Variants in GLIS3 observed in about 807,000 individuals in gnomAD.
GLIS3 encodes zinc finger protein GLIS3.
Under a neutral mutation model 78.6 loss-of-function variants are expected in GLIS3, and 53 were observed. The ratio of observed to expected loss-of-function variants is 0.67; its 90% confidence interval spans 0.54 to 0.85. The LOEUF is 0.85. GLIS3 is among the 40% of genes least tolerant of loss of function. GLIS3 has a pLI of 0.00. For synonymous variants in GLIS3, 684 were observed against 509.9 expected (o/e 1.34, Z -4.60); for missense variants, 1,703 against 1,231.1 (o/e 1.38, Z -5.74).
At chr9:4,015,755 G>A (rs1822378556) in intron 4 of GLIS3, among the ~76,000 whole-genome samples, 1 of 151,938 alleles carries the variant, frequency 6.6e-6, no homozygotes, top group Non-Finnish European at 1.5e-5. Flanking sequence ...CGAGAGTGGT[G>A]GCGGGCGCCT....
chr9:4,368,033 T>C, the GLIS3 span, among the ~76,000 whole-genome samples: 1 of 152,248 alleles, frequency 6.6e-6, no homozygotes, highest in Non-Finnish European at 1.5e-5. Flanking sequence ...TACTGTATGA[T>C]GTTTCCTCTT....
chr9:3,953,998 C>G (rs935824176), intron 4 of GLIS3, among the ~76,000 whole-genome samples: 3 of 152,006 alleles, frequency 2.0e-5, no homozygotes, highest in African/African-American at 7.3e-5. Context: ...TTTTTCTCCC[C>G]CTCACTTGGA....
intron 2 of GLIS3, among the ~76,000 whole-genome samples, chr9:4,329,021 T>C (rs1417099712): frequency 6.6e-6 from 1 of 152,200 alleles, no homozygotes; most frequent in African/African-American, 2.4e-5. Flanking sequence ...AGGCTTAGGA[T>C]GATGAGTAAG....
the GLIS3 span, among the ~76,000 whole-genome samples, chr9:4,432,713 T>C: frequency 6.7e-6 from 1 of 148,940 alleles, no homozygotes; most frequent in Non-Finnish European, 1.5e-5. Flanking sequence ...CAATCTTGGC[T>C]CACTGTAAAC....
At chr9:4,013,447 C>T (rs1822197393) in intron 4 of GLIS3, among the ~76,000 whole-genome samples, 1 of 152,066 alleles carries the variant, frequency 6.6e-6, no homozygotes, top group African/African-American at 2.4e-5. Flanking sequence ...AATTGTCTGT[C>T]CTTGGAGATT....
chr9:3,958,869 G>A (rs1218918708), intron 4 of GLIS3, among the ~76,000 whole-genome samples: 3 of 152,222 alleles, frequency 2.0e-5, no homozygotes, highest in Non-Finnish European at 4.4e-5. Context: ...CCCAGAGGTG[G>A]AAAAACAGAC....
chr9:4,450,824 G>A, the GLIS3 span, among the ~76,000 whole-genome samples: 2 of 152,188 alleles, frequency 1.3e-5, no homozygotes, highest in African/African-American at 4.8e-5. Context: ...CACCAGGCCT[G>A]CCTTATAAAG....
rs1370044999 is a variant in GLIS3, at chr9:4,087,525, T to C, written c.1710+30243A>G. ...GTGAAAATACCCCAACTAGAGTCTT[T>C]AGTGCCAGGGAACAGTTTGAAAACC... On this transcript the variant is annotated intron_variant, in intron 4 of 10. Transcript: ENST00000381971. Among the ~76,000 whole-genome samples the C allele has an allele frequency of 3.3e-5, 5 of 152,134 alleles. No individual in the cohort carries two copies. The East Asian group carries it at 7.7e-4, about 23-fold the overall frequency.
chr9:4,052,219 A>G (rs939482308), intron 4 of GLIS3, among the ~76,000 whole-genome samples: 3 of 152,222 alleles, frequency 2.0e-5, no homozygotes, highest in Non-Finnish European at 4.4e-5. Context: ...GAAATAAAGA[A>G]CTAAGACAGA....
At chr9:4,098,344 G>A (rs930448446) in intron 4 of GLIS3, among the ~76,000 whole-genome samples, 4 of 152,128 alleles carry the variant, frequency 2.6e-5, no homozygotes, top group Non-Finnish European at 5.9e-5. Context: ...AATTACTAAT[G>A]GGGGGCTGGA....
chr9:4,197,650 C>G (rs895590515), intron 2 of GLIS3, among the ~76,000 whole-genome samples: 3 of 152,198 alleles, frequency 2.0e-5, no homozygotes, highest in Non-Finnish European at 4.4e-5. Flanking sequence ...TCTTGCCACC[C>G]ACTTCACCGG....
At chr9:4,233,669 C>T (rs879301644) in intron 2 of GLIS3, among the ~76,000 whole-genome samples, 1 of 152,220 alleles carries the variant, frequency 6.6e-6, no homozygotes, top group Admixed American at 6.5e-5. Flanking sequence ...ACACTGGCTT[C>T]AACTTAAAGT....
At chr9:3,851,231 A>C (rs1233502776) in intron 9 of GLIS3, among the ~76,000 whole-genome samples, 1 of 152,222 alleles carries the variant, frequency 6.6e-6, no homozygotes, top group Non-Finnish European at 1.5e-5. Flanking sequence ...ACTCTTGGGC[A>C]ACTAATCCAG....
At chr9:4,026,869 C>A (rs185244708) in intron 4 of GLIS3, among the ~76,000 whole-genome samples, 4 of 152,256 alleles carry the variant, frequency 2.6e-5, no homozygotes, top group Admixed American at 2.0e-4. Context: ...CTTTCAAGGT[C>A]GTGTTACTCT....
intron 2 of GLIS3, among the ~76,000 whole-genome samples, chr9:4,274,257 G>C (rs920715595): frequency 3.9e-5 from 6 of 152,118 alleles, no homozygotes; most frequent in African/African-American, 9.7e-5. Flanking sequence ...TAATTTGTGG[G>C]GACCAGTGCC....
intron 2 of GLIS3, among the ~76,000 whole-genome samples, chr9:4,194,190 T>C (rs1298119100): frequency 6.6e-6 from 1 of 152,130 alleles, no homozygotes; most frequent in African/African-American, 2.4e-5. Flanking sequence ...CCTGAGTAGC[T>C]GGGATTACAG....
intron 2 of GLIS3, among the ~76,000 whole-genome samples, chr9:4,275,455 A>G (rs903294714): frequency 6.6e-6 from 1 of 152,158 alleles, no homozygotes; most frequent in Non-Finnish European, 1.5e-5. Context: ...GTAAAACCAC[A>G]CAGCACATAA....
chr9:4,379,481 T>C, the GLIS3 span, among the ~76,000 whole-genome samples: 1 of 152,236 alleles, frequency 6.6e-6, no homozygotes, highest in East Asian at 1.9e-4. Flanking sequence ...ATTAGTCCCT[T>C]CTTTTAGTGC....
chr9:4,473,968 T>C, the GLIS3 span, among the ~76,000 whole-genome samples: 4 of 152,132 alleles, frequency 2.6e-5, no homozygotes, highest in African/African-American at 9.7e-5. Context: ...GCTTCATGTA[T>C]TAGAAGGCTC....
Sources: allele counts gnomAD v4.1 joint callset (sites outside exome capture counted in the v4.1 genomes callset), GRCh38; gene constraint gnomAD v4.1.1; transcripts MANE v1.5; gene names NCBI Gene and HGNC (gene_info 2026-07-23, HGNC 2026-07-21).